The following MRGPRX2 variants were observed in gnomAD, a reference collection of about 807,000 sequenced individuals.
The protein encoded by MRGPRX2 is MAS related GPR family member X2.
For missense variants in MRGPRX2, 389 were observed against 404.5 expected (o/e 0.96, Z 0.33); for synonymous variants, 183 against 175.6 (o/e 1.04, Z -0.33).
Position 19,055,112 on chromosome 11 carries a change from CTTT to C in MRGPRX2, c.*295_*297del. On this transcript the variant is annotated 3_prime_UTR_variant, in exon 2 of 2. Coordinates refer to ENST00000329773, the MANE Select transcript of MRGPRX2 (RefSeq NM_054030.4). ...GTGCAGTGTCCAAAGAAATGTAGATCTTTTCTGCCCTGCTTTCAGCCTTCTGCG... is the reference window on the plus strand; with the variant it reads ...GTGCAGTGTCCAAAGAAATGTAGATCTCTGCCCTGCTTTCAGCCTTCTGCG... 2 of 280,388 alleles carry C rather than the reference CTTT, an allele frequency of 7.1e-6. No homozygotes were observed. The highest frequency in any genetic ancestry group is 1.2e-4 in the South Asian group (1 of 8,490). 17.4% of individuals were successfully genotyped at this position (280,388 alleles called of 1,614,324 possible).
At chr11:19,057,918 A>G (rs996883650) in intron 1 of MRGPRX2, among the ~76,000 whole-genome samples, 1 of 152,228 alleles carries the variant, frequency 6.6e-6, no homozygotes, top group Non-Finnish European at 1.5e-5. Flanking sequence ...TCTGTGTCAG[A>G]GGGCTTGTTC....
chr11:19,055,581 G>C lies in MRGPRX2; in HGVS notation c.822C>G (p.Ala274=). 1.2e-6 allele frequency: 2 copies of C among 1,614,164 alleles called. No individual in the cohort carries two copies. Among genetic ancestry groups the C allele is most frequent in the South Asian group, 2.2e-5 (2 of 91,082 alleles). The change falls in exon 2 of 2, where the codon GCC becomes GCG. Residue 274 remains alanine, a synonymous_variant. Transcript: ENST00000329773. ...CCACGAAGAAGTAAATGATGGGGTT[G>C]GCACTGCTGTTAAGAGATGACAGGA... The part of the protein sequence containing the change: ...SVVLSSLNSS[A]NPIIYFFVGS...
Position 19,055,966 on chromosome 11 carries a change from G to C in MRGPRX2, c.437C>G (p.Ser146Ter), listed in dbSNP as rs1444492284. 3 of 1,614,102 alleles carry C rather than the reference G, an allele frequency of 1.9e-6. No individual in the cohort carries two copies. The African/African-American group carries it at 4.0e-5, about 22-fold the overall frequency. The change falls in exon 2 of 2, where the codon TCA becomes TGA. Residue 146 changes from serine (S) to a stop codon, truncating the protein, a stop_gained. Coordinates refer to ENST00000329773, the MANE Select transcript of MRGPRX2 (RefSeq NM_054030.4). LOFTEE classifies it low-confidence loss of function (END_TRUNC). Reference protein sequence around the residue: ...WYRCRRPRHLSAVVCVLLWAL... With the variant: ...WYRCRRPRHL ...CCAGAGCAGGACACACACGACCGCTGACAGGTGTCTGGGGCGGCGGCAGCG... is the reference window on the plus strand; with the variant it reads ...CCAGAGCAGGACACACACGACCGCTCACAGGTGTCTGGGGCGGCGGCAGCG...
chr11:19,057,645 C>T (rs1849631329), intron 1 of MRGPRX2, among the ~76,000 whole-genome samples: 1 of 152,206 alleles, frequency 6.6e-6, no homozygotes, highest in Non-Finnish European at 1.5e-5. Flanking sequence ...ACCATGTCTA[C>T]ACTGTGCAGG....
intron 1 of MRGPRX2, among the ~76,000 whole-genome samples, chr11:19,059,667 G>T (rs2133317560): frequency 6.6e-6 from 1 of 152,034 alleles, no homozygotes; most frequent in African/African-American, 2.4e-5. Context: ...AATAGAGAAA[G>T]TCTCAGGAAA....
intron 1 of MRGPRX2, among the ~76,000 whole-genome samples, chr11:19,058,718 G>C (rs1387458287): frequency 1.3e-5 from 2 of 152,090 alleles, no homozygotes; most frequent in Non-Finnish European, 2.9e-5. Flanking sequence ...GAGCCACCGT[G>C]CCCGGCCCTG....
rs1849600922 is a variant in MRGPRX2 at position 19,055,180 on chromosome 11, G to A, written c.*230C>T. 6.1e-6 allele frequency: 3 copies of A among 495,266 alleles called. No individual in the cohort carries two copies. Among genetic ancestry groups the A allele is most frequent in the Non-Finnish European group, 7.2e-6 (2 of 279,178 alleles). 30.7% of individuals were successfully genotyped at this position (495,266 alleles called of 1,614,324 possible). A position where few individuals can be genotyped will look rare whatever the true frequency, so the allele number is the denominator to read the frequency against. ...TTAAAAGTGGGAACAGTCATGGACCGCAGAGTTGGCAAAGCTCTCATAGGG... is the reference window on the plus strand; with the variant it reads ...TTAAAAGTGGGAACAGTCATGGACCACAGAGTTGGCAAAGCTCTCATAGGG... On this transcript the variant is annotated 3_prime_UTR_variant, in exon 2 of 2. Transcript: ENST00000329773.
In MRGPRX2 at chr11:19,055,746, G is replaced by GGTCAGT. The variant is rs964555203; in HGVS notation, c.651_656dup (p.Leu218_Thr219dup). 1 of 1,614,082 alleles carries GGTCAGT rather than the reference G, an allele frequency of 6.2e-7. No homozygotes were observed. The highest frequency in any genetic ancestry group is 8.5e-7 in the Non-Finnish European group (1 of 1,180,044). ...TGAGCAGGATGGTCAGGTACAGCCT[G>GGTCAGT]GTCAGTGGCAGACCCCTGGAGCCAC... On this transcript the variant is annotated inframe_insertion, in exon 2 of 2. Coordinates refer to ENST00000329773, the MANE Select transcript of MRGPRX2 (RefSeq NM_054030.4).
chr11:19,056,787 T>C (rs1205355035), intron 1 of MRGPRX2, among the ~76,000 whole-genome samples: 1 of 152,174 alleles, frequency 6.6e-6, no homozygotes. Flanking sequence ...AGGATTCTTT[T>C]TATCCTGGCA....
In MRGPRX2 at chr11:19,055,604, G is replaced by A; in HGVS notation, c.799C>T (p.Leu267=). ...FCHIHPVSVV[L]SSLNSSANPI... is the part of the protein sequence containing the mutation. ...TTGGCACTGCTGTTAAGAGATGACA[G>A]GACAACTGAAACTGGATGAATATGA... Residue 267 remains leucine, a synonymous_variant, in exon 2 of 2, where the codon CTG becomes TTG. Transcript: ENST00000329773. 1 of 1,614,162 alleles carries A rather than the reference G, an allele frequency of 6.2e-7. No individual in the cohort carries two copies. Among genetic ancestry groups the A allele is most frequent in the Non-Finnish European group, 8.5e-7 (1 of 1,180,020 alleles).
rs1201765239 is a variant in MRGPRX2, at chr11:19,055,577, G to A, written c.826C>T (p.Pro276Ser). 2 of 1,614,020 alleles carry A rather than the reference G, an allele frequency of 1.2e-6. No individual in the cohort carries two copies. The highest frequency in any genetic ancestry group is 2.7e-5 in the African/African-American group (2 of 74,898). The part of the protein sequence containing the change: ...VLSSLNSSAN[P>S]IIYFFVGSFR... ...GAGCCCACGAAGAAGTAAATGATGGGGTTGGCACTGCTGTTAAGAGATGAC... is the reference window on the plus strand; with the variant it reads ...GAGCCCACGAAGAAGTAAATGATGGAGTTGGCACTGCTGTTAAGAGATGAC... The change falls in exon 2 of 2, where the codon CCC becomes TCC. Residue 276 changes from proline (P) to serine (S), a missense_variant. By Grantham distance (74) the Pro-to-Ser change is moderately conservative. Coordinates refer to ENST00000329773, the MANE Select transcript of MRGPRX2 (RefSeq NM_054030.4).
Position 19,056,316 on chromosome 11 carries a change from C to T in MRGPRX2, c.87G>A (p.Glu29=), listed in dbSNP as rs765230987. 24 of 1,614,080 alleles carry T rather than the reference C, an allele frequency of 1.5e-5. No homozygotes were observed. The South Asian group carries it at 2.0e-4, about 13-fold the overall frequency. The change falls in exon 2 of 2, where the codon GAG becomes GAA. Residue 29 remains glutamate, a synonymous_variant. Transcript: ENST00000329773. ...GGATCAGGAAGACCGGGATCAGGGTCTCCTTGCCACAAAGCAGAAGAAGGG... is the reference window on the plus strand; with the variant it reads ...GGATCAGGAAGACCGGGATCAGGGTTTCCTTGCCACAAAGCAGAAGAAGGG... ...DQALLLLCGK[E]TLIPVFLILF... is the part of the protein sequence containing the mutation.
In MRGPRX2 at chr11:19,055,863, A is replaced by G; in HGVS notation, c.540T>C (p.Cys180=). The part of the protein sequence containing the change: ...FLFSDGDSGW[C]QTFDFITAAW... ...CTGCAGTGATGAAATCAAATGTCTG[A>G]CACCAACCAGAGTCACCATCACTAA... Residue 180 remains cysteine (C), a synonymous_variant, in exon 2 of 2, where the codon TGT becomes TGC. Coordinates refer to ENST00000329773, the MANE Select transcript of MRGPRX2 (RefSeq NM_054030.4). The G allele has an allele frequency of 6.2e-7, 1 of 1,614,176 alleles. No individual in the cohort carries two copies. The highest frequency in any genetic ancestry group is 8.5e-7 in the Non-Finnish European group (1 of 1,180,046).
At position 19,056,287 on chromosome 11, in the gene MRGPRX2, A is replaced by C. The variant is rs1849618813; in HGVS notation, c.116T>G (p.Phe39Cys). ...ETLIPVFLILFIALVGLVGNG... is the reference protein window; with the variant it reads ...ETLIPVFLILCIALVGLVGNG... Reference sequence around the variant, plus strand: ...TCCTACCAGCCCGACCAGGGCAATGAAAAGGATCAGGAAGACCGGGATCAG... The same window carrying C: ...TCCTACCAGCCCGACCAGGGCAATGCAAAGGATCAGGAAGACCGGGATCAG... The change falls in exon 2 of 2, where the codon TTC becomes TGC. Residue 39 changes from phenylalanine (F) to cysteine (C), a missense_variant. Phe to Cys is a radical substitution (Grantham distance 205, BLOSUM62 -2). Transcript: ENST00000329773. The C allele has an allele frequency of 2.5e-6, 4 of 1,614,132 alleles. No individual in the cohort carries two copies. The highest frequency in any genetic ancestry group is 3.4e-6 in the Non-Finnish European group (4 of 1,180,058).
intron 1 of MRGPRX2, among the ~76,000 whole-genome samples, chr11:19,059,047 T>C (rs924178463): frequency 3.9e-5 from 6 of 152,194 alleles, no homozygotes; most frequent in East Asian, 1.9e-4. Context: ...TGAGCACAGA[T>C]GCTAAAAGAG....
At chr11:19,056,494 G>A in intron 1 of MRGPRX2, 67 bp from the exon 2 acceptor site, 1 of 1,461,524 alleles carries the variant, frequency 6.8e-7, no homozygotes. Context: ...AGCCTGTTAT[G>A]TGGTAATTAC....
intron 1 of MRGPRX2, among the ~76,000 whole-genome samples, chr11:19,058,710 G>C (rs1320031197): frequency 6.6e-6 from 1 of 152,084 alleles, no homozygotes; most frequent in Non-Finnish European, 1.5e-5. Context: ...ACAGGCGTGA[G>C]CCACCGTGCC....
intron 1 of MRGPRX2, among the ~76,000 whole-genome samples, chr11:19,059,297 T>C (rs1007073209): frequency 1.6e-4 from 25 of 152,164 alleles, no homozygotes; most frequent in African/African-American, 6.0e-4. Flanking sequence ...TTGGGAGCCA[T>C]GTAGGACCAT....
intron 1 of MRGPRX2, among the ~76,000 whole-genome samples, chr11:19,057,536 AC>A (rs1849630542): frequency 6.6e-6 from 1 of 152,156 alleles, no homozygotes; most frequent in Non-Finnish European, 1.5e-5. Context: ...TCTAAGGTGG[AC>A]CCATTACTTC....
Sources: allele counts gnomAD v4.1 joint callset (sites outside exome capture counted in the v4.1 genomes callset), GRCh38; gene constraint gnomAD v4.1.1; transcripts MANE v1.5; gene names NCBI Gene and HGNC (gene_info 2026-07-23, HGNC 2026-07-21).